Variants in GALNT13 observed in about 807,000 individuals in gnomAD.
The protein encoded by GALNT13 is polypeptide N-acetylgalactosaminyltransferase 13, also known as UDP-GalNAc:polypeptide N-acetylgalactosaminyltransferase 13.
A neutral mutation model predicts 64.2 loss-of-function variants in GALNT13; 28 were observed. That is an observed-to-expected ratio of 0.44 (90% CI 0.32 to 0.60). The LOEUF (loss-of-function observed/expected upper bound fraction) is 0.60. Among genes scored for constraint, GALNT13 ranks in the 20% least tolerant of loss-of-function variants. GALNT13 has a pLI of 0.05. For missense variants in GALNT13, 577 were observed against 669.8 expected (o/e 0.86, Z 1.53); for synonymous variants, 214 against 224.6 (o/e 0.95, Z 0.42).
At chr2:154,131,156 T>G (rs1359946966) in intron 3 of GALNT13, among the ~76,000 whole-genome samples, 1 of 152,162 alleles carries the variant, frequency 6.6e-6, no homozygotes, top group Non-Finnish European at 1.5e-5. Flanking sequence ...CAGCATAATT[T>G]TATTATCTTA....
chr2:154,109,333 G>A (rs1002023997), intron 3 of GALNT13, among the ~76,000 whole-genome samples: 2 of 151,836 alleles, frequency 1.3e-5, no homozygotes, highest in Non-Finnish European at 2.9e-5. Context: ...TGTTGAATTT[G>A]TATCCTGTAG....
chr2:153,367,685 T>C, the GALNT13 span, among the ~76,000 whole-genome samples: 1 of 152,146 alleles, frequency 6.6e-6, no homozygotes, highest in African/African-American at 2.4e-5. Context: ...GTCTGACATA[T>C]AAAACTGTAA....
At chr2:153,767,578 A>G in the GALNT13 span, among the ~76,000 whole-genome samples, 1 of 152,182 alleles carries the variant, frequency 6.6e-6, no homozygotes, top group Admixed American at 6.5e-5. Context: ...CAGTATGTGA[A>G]TGTTCCCTTT....
chr2:153,748,238 T>A, the GALNT13 span, among the ~76,000 whole-genome samples: 2 of 152,178 alleles, frequency 1.3e-5, no homozygotes, highest in African/African-American at 4.8e-5. Flanking sequence ...TCTTTAGAAC[T>A]TGTGTGAGCA....
chr2:154,358,543 T>C (rs1448350137), intron 9 of GALNT13, among the ~76,000 whole-genome samples: 3 of 152,094 alleles, frequency 2.0e-5, no homozygotes, highest in African/African-American at 7.2e-5. Context: ...TTCTATGTAA[T>C]ATAATAACTT....
At chr2:154,298,573 A>ATTCATATATAC (rs1693117050) in intron 8 of GALNT13, among the ~76,000 whole-genome samples, 3 of 10,972 alleles carry the variant, frequency 2.7e-4, no homozygotes, top group Non-Finnish European at 6.7e-4. Flanking sequence ...TTTATATATA[A>ATTCATATATAC]ATTGTATATA....
chr2:153,497,529 T>A, the GALNT13 span, among the ~76,000 whole-genome samples: 2 of 97,258 alleles, frequency 2.1e-5, no homozygotes, highest in Non-Finnish European at 3.8e-5. Flanking sequence ...CGCATTTTTT[T>A]TTTTTTTTTT....
At chr2:153,363,536 A>G in the GALNT13 span, among the ~76,000 whole-genome samples, 4 of 152,176 alleles carry the variant, frequency 2.6e-5, no homozygotes, top group African/African-American at 9.6e-5. Flanking sequence ...GACATAATAA[A>G]AAATGATAAA....
At chr2:154,062,053 G>A (rs1405751566) in intron 3 of GALNT13, among the ~76,000 whole-genome samples, 1 of 151,778 alleles carries the variant, frequency 6.6e-6, no homozygotes, top group East Asian at 1.9e-4. Context: ...ACCTTGCTTT[G>A]TATGTTGTTT....
chr2:153,285,380 T>G, the GALNT13 span, among the ~76,000 whole-genome samples: 1 of 152,202 alleles, frequency 6.6e-6, no homozygotes, highest in Non-Finnish European at 1.5e-5. Flanking sequence ...ATCCTCTTCC[T>G]TATCATTACA....
At chr2:154,410,275 A>G (rs952211598) in intron 11 of GALNT13, among the ~76,000 whole-genome samples, 3 of 151,954 alleles carry the variant, frequency 2.0e-5, no homozygotes, top group African/African-American at 7.2e-5. Flanking sequence ...GGAAACAACA[A>G]AATGCTTAAC....
the GALNT13 span, among the ~76,000 whole-genome samples, chr2:153,515,178 C>T: frequency 6.6e-6 from 1 of 152,136 alleles, no homozygotes; most frequent in South Asian, 2.1e-4. Context: ...GGTTTAAACC[C>T]TTCAGTGACT....
At chr2:153,111,096 T>A in the GALNT13 span, among the ~76,000 whole-genome samples, 1 of 152,078 alleles carries the variant, frequency 6.6e-6, no homozygotes, top group Non-Finnish European at 1.5e-5. Context: ...CACAAACTAT[T>A]TACTTGTCCC....
the GALNT13 span, among the ~76,000 whole-genome samples, chr2:153,396,591 T>A: frequency 1.3e-5 from 2 of 152,070 alleles, no homozygotes; most frequent in Non-Finnish European, 2.9e-5. Flanking sequence ...ACATAATAGT[T>A]CTATGTGAGT....
At chr2:153,385,238 T>C in the GALNT13 span, among the ~76,000 whole-genome samples, 1 of 152,084 alleles carries the variant, frequency 6.6e-6, no homozygotes, top group Non-Finnish European at 1.5e-5. Flanking sequence ...TGCACACCCA[T>C]GCTTGTTGCA....
the GALNT13 span, among the ~76,000 whole-genome samples, chr2:153,781,969 T>C: frequency 3.9e-5 from 6 of 152,178 alleles, no homozygotes; most frequent in Non-Finnish European, 8.8e-5. Flanking sequence ...TGTTGTGACC[T>C]GCGTGGACAG....
chr2:153,385,421 A>G, the GALNT13 span, among the ~76,000 whole-genome samples: 1 of 152,070 alleles, frequency 6.6e-6, no homozygotes, highest in Non-Finnish European at 1.5e-5. Flanking sequence ...TGTTAACTGA[A>G]ATAAACCAGG....
intron 3 of GALNT13, among the ~76,000 whole-genome samples, chr2:153,995,026 TTA>T: frequency 6.6e-6 from 1 of 152,246 alleles, no homozygotes; most frequent in South Asian, 2.1e-4. Flanking sequence ...ACAATATTTT[TTA>T]TCTTATTGAG....
At chr2:153,521,420 A>T in the GALNT13 span, among the ~76,000 whole-genome samples, 5 of 152,224 alleles carry the variant, frequency 3.3e-5, no homozygotes, top group Non-Finnish European at 7.3e-5. Flanking sequence ...GGCAAAATTA[A>T]GAGGGAAGTA....
Sources: gnomAD v4.1 joint callset for allele counts (sites outside exome capture counted in the v4.1 genomes callset) on GRCh38, gnomAD v4.1.1 for gene constraint, MANE v1.5 for transcripts, NCBI Gene and HGNC (gene_info 2026-07-23, HGNC 2026-07-21) for gene names.